The following NTAQ1 variants were observed in gnomAD, a reference collection of about 807,000 sequenced individuals.
The protein encoded by NTAQ1 is protein N-terminal glutamine amidohydrolase.
Under a neutral mutation model 28.2 loss-of-function variants are expected in NTAQ1, and 21 were observed. That is an observed-to-expected ratio of 0.74 (90% confidence interval 0.53 to 1.07). The LOEUF is 1.07. Among genes scored for constraint, NTAQ1 ranks in the 50% least tolerant of loss-of-function variants. The pLI is 0.00. For missense variants in NTAQ1, 264 were observed against 256.6 expected (o/e 1.03, Z -0.20); for synonymous variants, 105 against 90.0 (o/e 1.17, Z -0.94).
At chr8:123,446,826 A>C (rs73705920), downstream of NTAQ1, among the ~76,000 whole-genome samples, 506 of 152,322 alleles carry the variant, frequency 3.3e-3, 6 homozygotes, top group African/African-American at 0.012. Flanking sequence ...TCTTTTTCCA[A>C]CTAGAAGCTG....
downstream of NTAQ1, among the ~76,000 whole-genome samples, chr8:123,446,704 C>CG (rs1399382431): frequency 2.0e-5 from 3 of 152,192 alleles, no homozygotes; most frequent in South Asian, 4.1e-4. Context: ...AAAGCAGAGA[C>CG]CAAGTCCTCA....
chr8:123,432,664 C>A (rs1434402727), intron 3 of NTAQ1, among the ~76,000 whole-genome samples: 4 of 132,008 alleles, frequency 3.0e-5, no homozygotes, highest in Admixed American at 2.6e-4. Context: ...ATAATAATTT[C>A]TTTTTTTAAA....
At chr8:123,466,367 A>G (rs1012021214) in intron 6 of NTAQ1, among the ~76,000 whole-genome samples, 6 of 152,172 alleles carry the variant, frequency 3.9e-5, no homozygotes, top group Non-Finnish European at 1.5e-5. Context: ...TAGTGAGTGG[A>G]GGAGGATTAT....
At chr8:123,450,018 AG>A (rs1815443098), downstream of NTAQ1, among the ~76,000 whole-genome samples, 4 of 136,252 alleles carry the variant, frequency 2.9e-5, no homozygotes. Context: ...GATGTAGGAT[AG>A]GAATATCAAA....
At chr8:123,461,087 A>T in intron 6 of NTAQ1, among the ~76,000 whole-genome samples, 1 of 152,142 alleles carries the variant, frequency 6.6e-6, no homozygotes, top group East Asian at 1.9e-4. Context: ...GTGACCTAAC[A>T]CACTTGGTCC....
At chr8:123,445,891 C>T (rs1164172747), downstream of NTAQ1, among the ~76,000 whole-genome samples, 2 of 151,950 alleles carry the variant, frequency 1.3e-5, no homozygotes, top group Admixed American at 1.3e-4. Flanking sequence ...CAGGCGTGAG[C>T]CACCTCACCC....
chr8:123,461,355 T>C (rs1416204360), intron 6 of NTAQ1, among the ~76,000 whole-genome samples: 1 of 152,118 alleles, frequency 6.6e-6, no homozygotes, highest in Non-Finnish European at 1.5e-5. Flanking sequence ...TCCCTACTGG[T>C]GTTTCCTAGG....
At chr8:123,440,245 T>C (rs1283661549) in intron 5 of NTAQ1, among the ~76,000 whole-genome samples, 2 of 138,296 alleles carry the variant, frequency 1.4e-5, no homozygotes, top group African/African-American at 5.4e-5. Context: ...AACCTCTGCC[T>C]CCTGGATTCA....
intron 6 of NTAQ1, among the ~76,000 whole-genome samples, chr8:123,462,997 C>T (rs922543344): frequency 2.0e-5 from 3 of 152,210 alleles, no homozygotes; most frequent in African/African-American, 7.2e-5. Flanking sequence ...GCATTCTGCT[C>T]TCTTGGTACA....
chr8:123,429,650 A>C (rs1814273033), intron 2 of NTAQ1, among the ~76,000 whole-genome samples: 1 of 152,178 alleles, frequency 6.6e-6, no homozygotes, highest in Non-Finnish European at 1.5e-5. Flanking sequence ...AGATCACTTG[A>C]GATCAGGAGT....
intron 1 of NTAQ1, among the ~76,000 whole-genome samples, chr8:123,418,460 A>T (rs72724213): frequency 0.22 from 32,732 of 151,152 alleles, 3,848 homozygotes; most frequent in Non-Finnish European, 0.26. Context: ...AAAAAAAAAA[A>T]AAATAAAAAG....
At chr8:123,444,685 A>G (rs1815204030), downstream of NTAQ1, among the ~76,000 whole-genome samples, 1 of 152,024 alleles carries the variant, frequency 6.6e-6, no homozygotes, top group Non-Finnish European at 1.5e-5. Flanking sequence ...TTCTTTTTAT[A>G]TTTTTAGTGG....
upstream of NTAQ1, chr8:123,416,772 C>A: frequency 7.3e-7 from 1 of 1,364,910 alleles, no homozygotes; most frequent in African/African-American, 1.5e-5. Flanking sequence ...CCCACGCGGG[C>A]CACTACAAGC....
chr8:123,427,464 G>A (rs186945294), intron 1 of NTAQ1, among the ~76,000 whole-genome samples: 2 of 151,784 alleles, frequency 1.3e-5, no homozygotes, highest in African/African-American at 4.8e-5. Context: ...TATTGGTCAG[G>A]CTGGTCTCTC....
intron 1 of NTAQ1, among the ~76,000 whole-genome samples, chr8:123,421,795 TCTC>T (rs2130149520): frequency 6.6e-6 from 1 of 151,820 alleles, no homozygotes; most frequent in African/African-American, 2.4e-5. Flanking sequence ...TTCACACCAT[TCTC>T]CTGCCTCAGC....
chr8:123,418,465 A>G (rs1339861447), intron 1 of NTAQ1, among the ~76,000 whole-genome samples: 3 of 149,852 alleles, frequency 2.0e-5, no homozygotes, highest in Non-Finnish European at 4.4e-5. Flanking sequence ...AAAAAAAAAT[A>G]AAAAGCCAAA....
downstream of NTAQ1, among the ~76,000 whole-genome samples, chr8:123,452,774 G>A (rs893448250): frequency 2.0e-5 from 3 of 151,764 alleles, no homozygotes; most frequent in Non-Finnish European, 2.9e-5. Context: ...AGGCATAGTG[G>A]CGCATGCCTG....
chr8:123,449,949 G>GTGTGTA (rs772958901), downstream of NTAQ1, among the ~76,000 whole-genome samples: 2 of 8,208 alleles, frequency 2.4e-4, no homozygotes, highest in Admixed American at 1.4e-3. Flanking sequence ...GTGTGTGTGT[G>GTGTGTA]CATATATATA....
chr8:123,427,932 A>C lies in NTAQ1; in HGVS notation c.92A>C (p.Asn31Thr). Residue 31 changes from asparagine (N) to threonine (T), a missense_variant, in exon 2 of 6, where the codon AAT becomes ACT. Asn to Thr is a moderately conservative substitution (Grantham distance 65). Transcript: ENST00000287387. The stretch of plus-strand genomic sequence containing the variant: ...CAATTATTTTATTTCAGTGAAGAAA[A>C]TATTTGGAAGCTCTGTGAATACATC... ...CVYSSCYCEE[N>T]IWKLCEYIKN... is the part of the protein sequence containing the mutation. The C allele has an allele frequency of 6.2e-7, 1 of 1,600,024 alleles. No homozygotes were observed. Among genetic ancestry groups the C allele is most frequent in the African/African-American group, 1.3e-5 (1 of 74,332 alleles).
Sources: gnomAD v4.1 joint callset for allele counts (sites outside exome capture counted in the v4.1 genomes callset) on GRCh38, gnomAD v4.1.1 for gene constraint, MANE v1.5 for transcripts, NCBI Gene and HGNC (gene_info 2026-07-23, HGNC 2026-07-21) for gene names.